The following RNGTT variants were observed in gnomAD, a reference collection of about 807,000 sequenced individuals.
The protein encoded by RNGTT is RNA guanylyltransferase and 5'-phosphatase, also known as mRNA-capping enzyme.
In RNGTT, 33 loss-of-function variants were observed where a neutral mutation model predicts 79.3. The observed-to-expected ratio is 0.42, with a 90% CI of 0.32 to 0.56. RNGTT has a LOEUF of 0.56. Ranked by LOEUF, RNGTT falls within the 20% of genes least tolerant of loss-of-function variation. The pLI is 0.17. For synonymous variants in RNGTT, 222 were observed against 235.9 expected, an observed-to-expected ratio of 0.94 and a Z score of 0.54; for missense variants, 497 against 739.1, an observed-to-expected ratio of 0.67 and a Z score of 3.80.
At chr6:88,883,170 CAAAA>C (rs976114373) in intron 8 of RNGTT, among the ~76,000 whole-genome samples, 2 of 68,866 alleles carry the variant, frequency 2.9e-5, no homozygotes, top group African/African-American at 8.9e-5. Flanking sequence ...CTCTTTATGA[CAAAA>C]AAAAAAAAAA....
chr6:88,775,241 T>C (rs948745921), intron 12 of RNGTT, among the ~76,000 whole-genome samples: 2 of 152,194 alleles, frequency 1.3e-5, no homozygotes, highest in Non-Finnish European at 2.9e-5. Flanking sequence ...TGTACATGTG[T>C]GTCAAGAACA....
intron 11 of RNGTT, among the ~76,000 whole-genome samples, chr6:88,815,370 T>C (rs1010392875): frequency 1.3e-5 from 2 of 152,220 alleles, no homozygotes; most frequent in Non-Finnish European, 2.9e-5. Context: ...TTTTAGTATG[T>C]ATCCTTTCAT....
chr6:88,647,715 A>AAAAAAAAAAGAAAAAAGAAG (rs531898293), intron 14 of RNGTT, among the ~76,000 whole-genome samples: 13 of 142,482 alleles, frequency 9.1e-5, no homozygotes, highest in African/African-American at 3.9e-4. Flanking sequence ...AAAAAAAAAA[A>AAAAAAAAAAGAAAAAAGAAG]AAGAAGAAGA....
chr6:88,826,796 A>AT (rs1394847337), intron 11 of RNGTT, among the ~76,000 whole-genome samples: 31 of 118,570 alleles, frequency 2.6e-4, no homozygotes, highest in African/African-American at 1.1e-3. Context: ...AAGAAAAAAA[A>AT]AAAATATATA....
rs572682554 is a variant in RNGTT at position 88,963,498 on chromosome 6, C to G, written c.-89G>C. On this transcript the variant is annotated 5_prime_UTR_variant, in exon 1 of 16. Transcript: ENST00000369485. ...CCCGTGGTCCGGTGCACACCGGGGTCCGAGACACCCGAATCGCAGCCGTAA... is the reference window on the plus strand; with the variant it reads ...CCCGTGGTCCGGTGCACACCGGGGTGCGAGACACCCGAATCGCAGCCGTAA... 1.1e-5 allele frequency: 14 copies of G among 1,233,254 alleles called. No individual in the cohort carries two copies. In the South Asian group the frequency reaches 2.0e-4, roughly 18 times the overall value. 76.4% of individuals were successfully genotyped at this position (1,233,254 alleles called of 1,614,324 possible). A position where few individuals can be genotyped will look rare whatever the true frequency, so the allele number is the denominator to read the frequency against.
At chr6:88,666,416 A>C (rs1038446366) in intron 14 of RNGTT, among the ~76,000 whole-genome samples, 5 of 152,226 alleles carry the variant, frequency 3.3e-5, no homozygotes, top group Non-Finnish European at 7.3e-5. Flanking sequence ...AGAAGTGGAT[A>C]AACTAACTCT....
intron 6 of RNGTT, among the ~76,000 whole-genome samples, chr6:88,897,308 T>C (rs1223642468): frequency 1.3e-5 from 2 of 152,166 alleles, no homozygotes; most frequent in South Asian, 2.1e-4. Context: ...CTCTCATACA[T>C]AGGCAGCTGA....
intron 13 of RNGTT, among the ~76,000 whole-genome samples, chr6:88,687,761 T>C (rs1466130530): frequency 6.6e-6 from 1 of 152,168 alleles, no homozygotes; most frequent in Non-Finnish European, 1.5e-5. Flanking sequence ...ACAAAGGAAT[T>C]ACAGGAAGGC....
intron 8 of RNGTT, among the ~76,000 whole-genome samples, chr6:88,862,694 T>C (rs1782052262): frequency 6.6e-6 from 1 of 152,156 alleles, no homozygotes; most frequent in South Asian, 2.1e-4. Context: ...CTTTACCTTA[T>C]GTCATCTTCC....
chr6:88,739,725 T>TTATATATA lies in RNGTT; in HGVS notation c.1439+30041_1439+30048dup, dbSNP rs367967175. Among the ~76,000 whole-genome samples the TTATATATA allele has an allele frequency of 3.8e-3, 359 of 93,960 alleles. 17 individuals carry two copies. Among genetic ancestry groups the TTATATATA allele is most frequent in the East Asian group, 6.5e-3 (14 of 2,142 alleles). The allele number at this position is 93,960 out of a possible 152,430, so 61.6% of individuals were successfully genotyped here. A position where few individuals can be genotyped will look rare whatever the true frequency, so the allele number is the denominator to read the frequency against. On this transcript the variant is annotated intron_variant, in intron 13 of 15. Transcript: ENST00000369485. ...TCCCGTGTAACTGGTGTGAAAAAAA[T>TTATATATA]TATATATATATATATATATATATAT...
At chr6:88,688,573 T>A (rs1385137310) in intron 13 of RNGTT, among the ~76,000 whole-genome samples, 2 of 152,170 alleles carry the variant, frequency 1.3e-5, no homozygotes, top group East Asian at 3.8e-4. Context: ...CTGTAACATC[T>A]TATGGTACTA....
chr6:88,610,071 A>T lies in RNGTT; in HGVS notation c.*2648T>A, dbSNP rs1771967398. ...CCATTCCTCTCCACTTCAAAAATAAAAGGTTCAAACTACACCCCCCTGTGT... is the reference window on the plus strand; with the variant it reads ...CCATTCCTCTCCACTTCAAAAATAATAGGTTCAAACTACACCCCCCTGTGT... On this transcript the variant is annotated 3_prime_UTR_variant, in exon 16 of 16. Transcript: ENST00000369485. 6.6e-6 allele frequency among the ~76,000 whole-genome samples: 1 copy of T among 152,170 alleles called. No individual in the cohort carries two copies. Among genetic ancestry groups the T allele is most frequent in the African/African-American group, 2.4e-5 (1 of 41,434 alleles).
At chr6:88,945,721 C>T (rs1784986612) in intron 1 of RNGTT, among the ~76,000 whole-genome samples, 1 of 152,164 alleles carries the variant, frequency 6.6e-6, no homozygotes, top group Admixed American at 6.5e-5. Context: ...CTAGCTTTCT[C>T]AGTTTCTCTT....
At chr6:88,631,147 CCA>C (rs1344202118) in intron 14 of RNGTT, among the ~76,000 whole-genome samples, 3 of 152,154 alleles carry the variant, frequency 2.0e-5, no homozygotes, top group Non-Finnish European at 4.4e-5. Flanking sequence ...TTTCTGATGG[CCA>C]CACAGTTCTG....
At chr6:88,660,855 C>T (rs566177188) in intron 14 of RNGTT, among the ~76,000 whole-genome samples, 1 of 152,276 alleles carries the variant, frequency 6.6e-6, no homozygotes, top group Non-Finnish European at 1.5e-5. Flanking sequence ...CCAACAACTG[C>T]AGAATATACA....
intron 14 of RNGTT, among the ~76,000 whole-genome samples, chr6:88,631,191 GA>G (rs1168019992): frequency 6.6e-6 from 1 of 152,130 alleles, no homozygotes; most frequent in Non-Finnish European, 1.5e-5. Context: ...TGCTACAAAC[GA>G]AAAGTTCTTT....
intron 13 of RNGTT, among the ~76,000 whole-genome samples, chr6:88,719,986 A>G (rs1029283233): frequency 3.3e-5 from 5 of 152,198 alleles, no homozygotes; most frequent in Admixed American, 1.3e-4. Flanking sequence ...CATTTGGTGC[A>G]CAGTAAAGAA....
chr6:88,751,919 G>A (rs1343538756), intron 13 of RNGTT, among the ~76,000 whole-genome samples: 2 of 151,994 alleles, frequency 1.3e-5, no homozygotes, highest in African/African-American at 4.8e-5. Flanking sequence ...TGTCATAATT[G>A]TTCCTATAAT....
chr6:88,904,632 G>T, intron 6 of RNGTT, 83 bp downstream of exon 6: 1 of 1,411,132 alleles, frequency 7.1e-7, no homozygotes, highest in Non-Finnish European at 9.5e-7. Context: ...AAAGAAACAT[G>T]GCCAATATTC....
Sources: gnomAD v4.1 joint callset for allele counts (sites outside exome capture counted in the v4.1 genomes callset) on GRCh38, gnomAD v4.1.1 for gene constraint, MANE v1.5 for transcripts, NCBI Gene and HGNC (gene_info 2026-07-23, HGNC 2026-07-21) for gene names.